The following FOXK1 variants were observed in gnomAD, a reference collection of about 807,000 sequenced individuals.
FOXK1 encodes the protein forkhead box K1.
FOXK1 carries 19 observed loss-of-function variants against 51.9 expected under a neutral mutation model. That is an observed-to-expected ratio of 0.37 (90% confidence interval 0.26 to 0.54). The LOEUF is 0.54. Among genes scored for constraint, FOXK1 ranks in the 20% least tolerant of loss-of-function variants. FOXK1 has a pLI of 0.87. For synonymous variants in FOXK1, 537 were observed against 482.6 expected (o/e 1.11, Z -1.48); for missense variants, 870 against 1,032.7 (o/e 0.84, Z 2.16).
intron 1 of FOXK1, among the ~76,000 whole-genome samples, chr7:4,689,125 C>G (rs1464201968): frequency 6.6e-6 from 1 of 151,918 alleles, no homozygotes; most frequent in Admixed American, 6.6e-5. Context: ...TTACAGGCAT[C>G]CACCACCACG....
intron 5 of FOXK1, among the ~76,000 whole-genome samples, chr7:4,757,394 G>A (rs1405390091): frequency 1.3e-5 from 2 of 152,016 alleles, no homozygotes; most frequent in African/African-American, 2.4e-5. Flanking sequence ...CTGGGAGGCC[G>A]AGGCAAGTGG....
rs1485732831 is a variant in FOXK1, at chr7:4,731,922, G to A, written c.561-8916G>A. 2.6e-5 allele frequency among the ~76,000 whole-genome samples: 4 copies of A among 152,318 alleles called. No homozygotes were observed. Among genetic ancestry groups the A allele is most frequent in the Non-Finnish European group, 5.9e-5 (4 of 68,026 alleles). ...TGCCAGCCGTCCGGTCAGGACTGAT[G>A]TTCACGGCATGGAGACCTGAGGCCA... On this transcript the variant is annotated intron_variant, in intron 1 of 8. Transcript: ENST00000328914. The surrounding 1 kb of genome is among the most constrained non-coding windows in gnomAD (Gnocchi z 5.3).
In FOXK1 at chr7:4,682,925, C is replaced by A. The variant is rs914442656; in HGVS notation, c.560+57C>A. On this transcript the variant is annotated intron_variant, in intron 1 of 8. Coordinates refer to ENST00000328914, the MANE Select transcript of FOXK1 (RefSeq NM_001037165.2). This position sits in a 1 kb window ranked among gnomAD's most constrained non-coding sequence, Gnocchi z 7.6. Reference sequence around the variant, plus strand: ...CCCGGGGCTCGCCCACGACCTCGATCTCTGAGGCCCGGGCCTGGGGATCCC... The same window carrying A: ...CCCGGGGCTCGCCCACGACCTCGATATCTGAGGCCCGGGCCTGGGGATCCC... 4.3e-6 allele frequency: 6 copies of A among 1,393,984 alleles called. No individual in the cohort carries two copies. Among genetic ancestry groups the A allele is most frequent in the Admixed American group, 5.4e-5 (2 of 37,232 alleles). The allele number at this position is 1,393,984 out of a possible 1,614,324, so 86.4% of individuals were successfully genotyped here.
chr7:4,708,840 G>T (rs149046405), intron 1 of FOXK1, among the ~76,000 whole-genome samples: 159 of 152,234 alleles, frequency 1.0e-3, no homozygotes, highest in African/African-American at 3.3e-3. Context: ...TGAGGCGGGC[G>T]GATCACCTGA....
At position 4,682,539 on chromosome 7, in the gene FOXK1, A is replaced by G. The variant is rs1351989149; in HGVS notation, c.231A>G (p.Val77=). The change falls in exon 1 of 9, where the codon GTA becomes GTG. Residue 77 remains valine (V), a synonymous_variant. Transcript: ENST00000328914. This position sits in a 1 kb window ranked among gnomAD's most constrained non-coding sequence, Gnocchi z 7.6. ...GCTCCTCCGGGGGCTCCTCCGGGGTATCCGGGGACTCCGCGGTCGCGGGCG... is the reference window on the plus strand; with the variant it reads ...GCTCCTCCGGGGGCTCCTCCGGGGTGTCCGGGGACTCCGCGGTCGCGGGCG... ...GAGSSGGSSG[V]SGDSAVAGAA... 1 of 1,136,710 alleles carries G rather than the reference A, an allele frequency of 8.8e-7. No homozygotes were observed. The highest frequency in any genetic ancestry group is 4.6e-5 in the East Asian group (1 of 21,506). 70.4% of individuals were successfully genotyped at this position (1,136,710 alleles called of 1,614,324 possible).
rs1377968441 is a variant in FOXK1, at chr7:4,733,877, G to A, written c.561-6961G>A. Among the ~76,000 whole-genome samples the A allele has an allele frequency of 6.6e-6, 1 of 152,166 alleles. No homozygotes were observed. Among genetic ancestry groups the A allele is most frequent in the South Asian group, 2.1e-4 (1 of 4,832 alleles). ...TCCGGCTGACATCCTCTCTCTGGCC[G>A]TCATAGCCAGCGCCATGGGATTGGG... On this transcript the variant is annotated intron_variant, in intron 1 of 8. Transcript: ENST00000328914. This position sits in a 1 kb window ranked among gnomAD's most constrained non-coding sequence, Gnocchi z 5.0.
At chr7:4,714,261 T>C (rs1037853471) in intron 1 of FOXK1, among the ~76,000 whole-genome samples, 1 of 152,186 alleles carries the variant, frequency 6.6e-6, no homozygotes, top group Non-Finnish European at 1.5e-5. Context: ...TCTTTTCATG[T>C]TGACCCTATT....
chr7:4,706,053 T>TATGTGTATATATACGTATATATAC, intron 1 of FOXK1, among the ~76,000 whole-genome samples: 1 of 124,934 alleles, frequency 8.0e-6, no homozygotes, highest in African/African-American at 4.3e-5. Context: ...CGTGTATATA[T>TATGTGTATATATACGTATATATAC]GTATATATAT....
At chr7:4,710,318 G>T (rs910388386) in intron 1 of FOXK1, among the ~76,000 whole-genome samples, 2 of 152,220 alleles carry the variant, frequency 1.3e-5, no homozygotes, top group Admixed American at 6.5e-5. Flanking sequence ...GGCTAAGGCA[G>T]GAGGATTGCT....
At chr7:4,690,051 C>G (rs537471205) in intron 1 of FOXK1, among the ~76,000 whole-genome samples, 2 of 152,102 alleles carry the variant, frequency 1.3e-5, no homozygotes, top group African/African-American at 4.8e-5. Flanking sequence ...GTGCCAAAGG[C>G]GAAGGGAAGA....
intron 1 of FOXK1, among the ~76,000 whole-genome samples, chr7:4,698,391 T>C (rs1779979959): frequency 6.6e-6 from 1 of 152,028 alleles, no homozygotes; most frequent in African/African-American, 2.4e-5. Context: ...TTTTTTTTTC[T>C]CGCTTCACCA....
intron 1 of FOXK1, among the ~76,000 whole-genome samples, chr7:4,738,215 T>TCA (rs1241020710): frequency 6.6e-6 from 1 of 150,408 alleles, no homozygotes; most frequent in Non-Finnish European, 1.5e-5. Context: ...GGTGGTTGGG[T>TCA]CACCTGAGGT....
At chr7:4,746,655 T>C (rs767161323) in intron 2 of FOXK1, among the ~76,000 whole-genome samples, 2 of 152,152 alleles carry the variant, frequency 1.3e-5, no homozygotes, top group East Asian at 3.9e-4. Flanking sequence ...ACCACTGCAC[T>C]CCAACCTGGG....
chr7:4,682,426 C>G lies in FOXK1; in HGVS notation c.118C>G (p.Pro40Ala), dbSNP rs903239836. Residue 40 changes from proline (P) to alanine (A), a missense_variant, in exon 1 of 9, where the codon CCG (proline) becomes GCG (alanine). Around this residue, in one of 3 missense-constraint regions of FOXK1, gnomAD observed 399 missense variants for 475.6 expected, o/e 0.84. Transcript: ENST00000328914. The surrounding 1 kb of genome is among the most constrained non-coding windows in gnomAD (Gnocchi z 7.6). ...CGCCGCCTTCCCCGCGGCCGCACCC[C>G]CGCCGGCCCCCGCGCAGCCCCAGCC... ...AAAAFPAAAP[P>A]PAPAQPQPPP... The G allele has an allele frequency of 1.0e-5, 10 of 981,046 alleles. No homozygotes were observed. The African/African-American group carries it at 1.8e-4, about 17-fold the overall frequency. The allele number at this position is 981,046 out of a possible 1,614,324, so 60.8% of individuals were successfully genotyped here. A position where few individuals can be genotyped will look rare whatever the true frequency, so the allele number is the denominator to read the frequency against.
At position 4,749,498 on chromosome 7, in the gene FOXK1, G is replaced by T. The variant is rs530368862; in HGVS notation, c.747-4961G>T. Among the ~76,000 whole-genome samples, 1 of 152,168 alleles carries T rather than the reference G, an allele frequency of 6.6e-6. No individual in the cohort carries two copies. Among genetic ancestry groups the T allele is most frequent in the Non-Finnish European group, 1.5e-5 (1 of 68,022 alleles). Reference sequence around the variant, plus strand: ...GAGGCTTCAGGTGCCGCCTTGGGACGCAAAGGTCATCGCAGACCCCCGCAG... The same window carrying T: ...GAGGCTTCAGGTGCCGCCTTGGGACTCAAAGGTCATCGCAGACCCCCGCAG... On this transcript the variant is annotated intron_variant, in intron 2 of 8. Coordinates refer to ENST00000328914, the MANE Select transcript of FOXK1 (RefSeq NM_001037165.2). This position sits in a 1 kb window ranked among gnomAD's most constrained non-coding sequence, Gnocchi z 6.0.
rs1780828712 is a variant in FOXK1 at position 4,755,082 on chromosome 7, G to T, written c.904-155G>T. 2.3e-6 allele frequency: 2 copies of T among 862,012 alleles called. No individual in the cohort carries two copies. The highest frequency in any genetic ancestry group is 3.9e-5 in the South Asian group (2 of 51,456). 53.4% of individuals were successfully genotyped at this position (862,012 alleles called of 1,614,324 possible). On this transcript the variant is annotated intron_variant, in intron 3 of 8. Transcript: ENST00000328914. The surrounding 1 kb of genome is among the most constrained non-coding windows in gnomAD (Gnocchi z 6.6). The stretch of plus-strand genomic sequence containing the variant: ...AATGGTTGTTCCTAGTTGAATGCAA[G>T]CACATTAATGGGATAGTTGGAGGGC...
Position 4,749,370 on chromosome 7 carries a change from G to A in FOXK1, c.747-5089G>A, listed in dbSNP as rs1375012827. Among the ~76,000 whole-genome samples, 3 of 152,194 alleles carry A rather than the reference G, an allele frequency of 2.0e-5. No homozygotes were observed. Among genetic ancestry groups the A allele is most frequent in the Non-Finnish European group, 4.4e-5 (3 of 68,036 alleles). On this transcript the variant is annotated intron_variant, in intron 2 of 8. Transcript: ENST00000328914. This position sits in a 1 kb window ranked among gnomAD's most constrained non-coding sequence, Gnocchi z 6.0. ...CAGATGTGCCTTGGCCGGCTGTTGT[G>A]TTTAACAGTGAGGTCCTAAAAACCC... is the stretch of plus-strand genomic sequence containing the variant.
At chr7:4,691,827 C>T (rs1156246559) in intron 1 of FOXK1, among the ~76,000 whole-genome samples, 1 of 152,176 alleles carries the variant, frequency 6.6e-6, no homozygotes, top group Non-Finnish European at 1.5e-5. Context: ...TGCCCCTCAG[C>T]AGAGACCCTG....
Position 4,734,455 on chromosome 7 carries a change from G to A in FOXK1, c.561-6383G>A, listed in dbSNP as rs1200527073. ...TGTGGCTTCCACCACTCCCCAGATC[G>A]TCTGCTTCCTCCTTGCCCCTCAAAC... On this transcript the variant is annotated intron_variant, in intron 1 of 8. Coordinates refer to ENST00000328914, the MANE Select transcript of FOXK1 (RefSeq NM_001037165.2). This position sits in a 1 kb window ranked among gnomAD's most constrained non-coding sequence, Gnocchi z 5.2. Among the ~76,000 whole-genome samples, 2 of 152,276 alleles carry A rather than the reference G, an allele frequency of 1.3e-5. No individual in the cohort carries two copies. The highest frequency in any genetic ancestry group is 2.1e-4 in the South Asian group (1 of 4,826).
Sources: allele counts gnomAD v4.1 joint callset (sites outside exome capture counted in the v4.1 genomes callset), GRCh38; gene constraint gnomAD v4.1.1; regional missense constraint gnomAD v4.1.1; non-coding constraint Gnocchi (gnomAD v3.1); transcripts MANE v1.5; gene names NCBI Gene and HGNC (gene_info 2026-07-23, HGNC 2026-07-21).